The following ASIC2 variants were observed in gnomAD, a reference collection of about 807,000 sequenced individuals.
ASIC2 encodes the protein acid sensing ion channel subunit 2.
ASIC2 carries 25 observed loss-of-function variants against 57.3 expected under a neutral mutation model. The observed-to-expected ratio is 0.44, with a 90% CI of 0.32 to 0.61. The LOEUF is 0.61. ASIC2 is among the 20% of genes least tolerant of loss of function. The pLI, the probability that ASIC2 is intolerant of heterozygous loss-of-function variation, is 0.06. For synonymous variants in ASIC2, 319 were observed against 307.5 expected (o/e 1.04, Z -0.39); for missense variants, 641 against 738.1 (o/e 0.87, Z 1.52).
intron 1 of ASIC2, among the ~76,000 whole-genome samples, chr17:33,967,518 AG>A (rs1905109152): frequency 6.6e-6 from 1 of 152,212 alleles, no homozygotes; most frequent in African/African-American, 2.4e-5. Context: ...TACAGGTATA[AG>A]CCATCACGCC....
chr17:33,732,577 C>G (rs1909778864), intron 1 of ASIC2, among the ~76,000 whole-genome samples: 1 of 149,558 alleles, frequency 6.7e-6, no homozygotes, highest in Admixed American at 6.6e-5. Context: ...TGGCTAACTG[C>G]AAGCTCCGCC....
intron 1 of ASIC2, among the ~76,000 whole-genome samples, chr17:33,124,267 G>A (rs1482876541): frequency 6.6e-6 from 1 of 152,196 alleles, no homozygotes; most frequent in East Asian, 1.9e-4. Flanking sequence ...CTTACATTAT[G>A]AGTGTTCAAA....
intron 1 of ASIC2, among the ~76,000 whole-genome samples, chr17:33,255,600 C>T (rs1331854361): frequency 5.1e-5 from 5 of 98,634 alleles, no homozygotes; most frequent in South Asian, 3.2e-4. Context: ...ATCGGAGGGA[C>T]GGGGGGGTGG....
intron 1 of ASIC2, among the ~76,000 whole-genome samples, chr17:33,915,718 AT>A (rs1915569238): frequency 6.6e-6 from 1 of 152,164 alleles, no homozygotes. Context: ...CATAGCATGC[AT>A]TTTCCCTTTT....
intron 1 of ASIC2, among the ~76,000 whole-genome samples, chr17:33,666,096 T>C (rs1441179917): frequency 3.3e-5 from 5 of 152,190 alleles, no homozygotes; most frequent in Non-Finnish European, 5.9e-5. Flanking sequence ...AACCATCTTG[T>C]CATTTGCCCA....
At chr17:33,859,627 C>T (rs962037951) in intron 1 of ASIC2, among the ~76,000 whole-genome samples, 1 of 152,124 alleles carries the variant, frequency 6.6e-6, no homozygotes, top group Non-Finnish European at 1.5e-5. Context: ...TCAACAAAAG[C>T]GCTGGAGCTG....
chr17:34,005,795 T>C (rs907119125), intron 1 of ASIC2: 19 of 152,246 alleles, frequency 1.2e-4, no homozygotes, highest in Non-Finnish European at 2.8e-4. Flanking sequence ...TGCTGTAGTG[T>C]CACTTACTTA....
chr17:33,108,927 C>A (rs1007381378), intron 2 of ASIC2, among the ~76,000 whole-genome samples: 2 of 148,582 alleles, frequency 1.3e-5, no homozygotes, highest in African/African-American at 2.5e-5. Context: ...ATGAAGTCAA[C>A]CAGAGTTGTC....
chr17:33,863,664 C>T lies in ASIC2; in HGVS notation c.555+292314G>A, dbSNP rs141954348. 6.6e-4 allele frequency among the ~76,000 whole-genome samples: 100 copies of T among 152,292 alleles called. 3 individuals carry two copies. The highest frequency in any genetic ancestry group is 1.2e-3 in the Non-Finnish European group (85 of 68,024). On this transcript the variant is annotated intron_variant, in intron 1 of 9. Transcript: ENST00000359872. ...CCATCTTTTTAAATTATCCTATAGT[C>T]AGGAACTTATTTCCTGCTCAGTTCT...
At chr17:33,486,967 T>C (rs1161154625) in intron 1 of ASIC2, among the ~76,000 whole-genome samples, 1 of 152,094 alleles carries the variant, frequency 6.6e-6, no homozygotes, top group Non-Finnish European at 1.5e-5. Context: ...GGTGGAGGTG[T>C]GGCGGGAAAG....
intron 1 of ASIC2, among the ~76,000 whole-genome samples, chr17:33,317,031 G>A (rs1906685039): frequency 6.6e-6 from 1 of 152,242 alleles, no homozygotes; most frequent in Non-Finnish European, 1.5e-5. Context: ...CAGTTGCCGG[G>A]AGAACAGCGC....
intron 1 of ASIC2, among the ~76,000 whole-genome samples, chr17:33,503,438 G>C (rs572938680): frequency 6.6e-6 from 1 of 152,260 alleles, no homozygotes; most frequent in East Asian, 1.9e-4. Flanking sequence ...GCAGCAGTGA[G>C]TGAATCAAGG....
In ASIC2 at chr17:34,044,130, G is replaced by GCA. The variant is rs762163810; in HGVS notation, c.555+111846_555+111847dup. ...CACACACACACACACACACACGCAC[G>GCA]CACACACACACACACACACCAAGAA... On this transcript the variant is annotated intron_variant, in intron 1 of 9. Coordinates refer to the ASIC2 transcript ENST00000359872. Among the ~76,000 whole-genome samples the GCA allele has an allele frequency of 1.3e-3, 142 of 108,760 alleles. 1 individual carries two copies. The highest frequency in any genetic ancestry group is 6.1e-3 in the South Asian group (18 of 2,928). 71.4% of individuals were successfully genotyped at this position (108,760 alleles called of 152,430 possible).
chr17:33,108,088 T>C (rs2092242312), intron 2 of ASIC2, among the ~76,000 whole-genome samples: 1 of 152,200 alleles, frequency 6.6e-6, no homozygotes, highest in Non-Finnish European at 1.5e-5. Flanking sequence ...AGCCCTCCTG[T>C]AAAGCCAGTG....
At chr17:33,033,060 G>A (rs1004634562) in intron 3 of ASIC2, among the ~76,000 whole-genome samples, 1 of 152,200 alleles carries the variant, frequency 6.6e-6, no homozygotes, top group Non-Finnish European at 1.5e-5. Flanking sequence ...CTTAAGGTGA[G>A]GAGTTCAAGA....
chr17:33,495,691 C>T (rs1356088163), intron 1 of ASIC2, among the ~76,000 whole-genome samples: 1 of 152,186 alleles, frequency 6.6e-6, no homozygotes, highest in Non-Finnish European at 1.5e-5. Context: ...CCCCACCCTC[C>T]TGAAGCTAAC....
intron 1 of ASIC2, among the ~76,000 whole-genome samples, chr17:34,125,253 G>A (rs894726420): frequency 2.0e-5 from 3 of 152,004 alleles, no homozygotes; most frequent in African/African-American, 7.3e-5. Context: ...GCCAGGCCTT[G>A]TCATTAGTTT....
chr17:33,343,979 C>G (rs1265106607), intron 1 of ASIC2, among the ~76,000 whole-genome samples: 1 of 152,212 alleles, frequency 6.6e-6, no homozygotes, highest in East Asian at 1.9e-4. Flanking sequence ...ATCACCTCCT[C>G]TTCGAAGCCT....
chr17:33,417,869 T>A (rs896865612), intron 1 of ASIC2, among the ~76,000 whole-genome samples: 2 of 152,108 alleles, frequency 1.3e-5, no homozygotes, highest in African/African-American at 2.4e-5. Context: ...TGCTGTGAAG[T>A]GAGGAGGCCA....
Sources: gnomAD v4.1 joint callset for allele counts (sites outside exome capture counted in the v4.1 genomes callset) on GRCh38, gnomAD v4.1.1 for gene constraint, MANE v1.5 for transcripts, NCBI Gene and HGNC (gene_info 2026-07-23, HGNC 2026-07-21) for gene names.